The following ZNF547 variants were observed in gnomAD, a reference collection of about 807,000 sequenced individuals.
The protein encoded by ZNF547 is zinc finger protein 547.
ZNF547 carries 4 observed loss-of-function variants against 7.7 expected under a neutral mutation model. That is an observed-to-expected ratio of 0.52 (90% CI 0.26 to 1.20). The LOEUF is 1.20. Ranked by LOEUF, ZNF547 falls within the 50% of genes most tolerant of loss-of-function variation. The pLI, the probability that ZNF547 is intolerant of heterozygous loss-of-function variation, is 0.14. For synonymous variants in ZNF547, 166 were observed against 166.2 expected, an observed-to-expected ratio of 1.00 and a Z score of 0.01; for missense variants, 449 against 485.8, an observed-to-expected ratio of 0.92 and a Z score of 0.71.
In ZNF547 at chr19:57,369,899, C is replaced by CTTTTTT. The variant is rs61547238; in HGVS notation, c.24+1339_24+1344dup. Among the ~76,000 whole-genome samples the CTTTTTT allele has an allele frequency of 3.0e-3, 155 of 51,666 alleles. 48 individuals carry two copies. The highest frequency in any genetic ancestry group is 0.011 in the African/African-American group (142 of 12,784). 33.9% of individuals were successfully genotyped at this position (51,666 alleles called of 152,430 possible). A position where few individuals can be genotyped will look rare whatever the true frequency, so the allele number is the denominator to read the frequency against. On this transcript the variant is annotated intron_variant, in intron 2 of 3. Transcript: ENST00000282282. ...AAAGAAGTTTAATTGACTCACAGTT[C>CTTTTTT]TTTTTTTTTTTTTTTTTTTTTTTTG...
chr19:57,371,503 A>G (rs766536073), intron 2 of ZNF547: 5 of 346,850 alleles, frequency 1.4e-5, no homozygotes, highest in Non-Finnish European at 2.6e-5. Context: ...TAGTTTTAGT[A>G]ATTCCAGGAC....
At chr19:57,370,431 G>A (rs531011626) in intron 2 of ZNF547, among the ~76,000 whole-genome samples, 13 of 152,312 alleles carry the variant, frequency 8.5e-5, no homozygotes, top group East Asian at 1.9e-4. Context: ...GATGCTGAGC[G>A]TATTTGCCGT....
intron 1 of ZNF547, among the ~76,000 whole-genome samples, chr19:57,367,427 A>G (rs1041023168): frequency 1.8e-4 from 22 of 120,008 alleles, no homozygotes; most frequent in Admixed American, 3.9e-4. Context: ...TTTGTTCAAG[A>G]AAAAAAAAAA....
intron 1 of ZNF547, chr19:57,365,483 C>A: frequency 9.1e-6 from 4 of 441,902 alleles, no homozygotes; most frequent in Non-Finnish European, 1.6e-5. Context: ...ATAAAGAACT[C>A]ATTATCAATA....
At chr19:57,364,473 T>G in intron 1 of ZNF547, 1 of 329,008 alleles carries the variant, frequency 3.0e-6, no homozygotes, top group Non-Finnish European at 5.8e-6. Context: ...CCGGGCGTGG[T>G]GGCTCACGCC....
At chr19:57,375,324 T>C (rs1192160824) in intron 3 of ZNF547, among the ~76,000 whole-genome samples, 1 of 151,984 alleles carries the variant, frequency 6.6e-6, no homozygotes, top group Non-Finnish European at 1.5e-5. Context: ...CACTCCAGCC[T>C]GGGTGACAGA....
chr19:57,376,472 A>G (rs1475640823), intron 3 of ZNF547, among the ~76,000 whole-genome samples: 1 of 152,192 alleles, frequency 6.6e-6, no homozygotes, highest in African/African-American at 2.4e-5. Flanking sequence ...TTATTGCCAA[A>G]CCAACTCAAA....
intron 3 of ZNF547, among the ~76,000 whole-genome samples, chr19:57,372,323 A>G (rs1340654534): frequency 4.6e-5 from 7 of 152,178 alleles, no homozygotes; most frequent in Non-Finnish European, 1.0e-4. Flanking sequence ...GGATGTAGAA[A>G]TCTTCTGTGA....
chr19:57,374,713 T>C (rs557789610), intron 3 of ZNF547, among the ~76,000 whole-genome samples: 3 of 152,216 alleles, frequency 2.0e-5, no homozygotes, highest in Admixed American at 6.5e-5. Flanking sequence ...TCCACAGATA[T>C]GTAGGGCAGG....
chr19:57,363,988 G>A (rs1486448969), intron 1 of ZNF547: 1 of 152,318 alleles, frequency 6.6e-6, no homozygotes, highest in South Asian at 2.1e-4. Flanking sequence ...TGGAATGGCA[G>A]CCTGAGCAGC....
chr19:57,366,993 A>T (rs2088474875), intron 1 of ZNF547, among the ~76,000 whole-genome samples: 1 of 152,182 alleles, frequency 6.6e-6, no homozygotes, highest in African/African-American at 2.4e-5. Flanking sequence ...ATGTTTGTAA[A>T]ATAGGAGGCT....
At chr19:57,376,045 C>T (rs1488937195) in intron 3 of ZNF547, among the ~76,000 whole-genome samples, 1 of 152,172 alleles carries the variant, frequency 6.6e-6, no homozygotes, top group Non-Finnish European at 1.5e-5. Flanking sequence ...TGCCTGTAAT[C>T]CCAGCTACTC....
chr19:57,369,922 T>TTTTTTTTTTC (rs1479598262), intron 2 of ZNF547, among the ~76,000 whole-genome samples: 1 of 143,378 alleles, frequency 7.0e-6, no homozygotes, highest in Admixed American at 7.0e-5. Context: ...TTTTTTTTTT[T>TTTTTTTTTTC]TGAGATGTGG....
At chr19:57,368,838 G>A (rs762247417) in intron 2 of ZNF547, among the ~76,000 whole-genome samples, 14 of 152,184 alleles carry the variant, frequency 9.2e-5, no homozygotes, top group Non-Finnish European at 2.1e-4. Flanking sequence ...GACAGTTGAC[G>A]TGGTAACATC....
chr19:57,369,996 G>T (rs974916494), intron 2 of ZNF547, among the ~76,000 whole-genome samples: 1 of 142,962 alleles, frequency 7.0e-6, no homozygotes, highest in Non-Finnish European at 1.5e-5. Context: ...AGGTTCAAGC[G>T]ATTCTTCTGC....
chr19:57,372,279 C>G (rs1170907928), intron 3 of ZNF547, among the ~76,000 whole-genome samples: 13 of 152,300 alleles, frequency 8.5e-5, no homozygotes, highest in Admixed American at 7.8e-4. Context: ...CTGACCTGAT[C>G]ACTAATTTGG....
Position 57,377,949 on chromosome 19 carries a change from G to A in ZNF547, c.973G>A (p.Glu325Lys). ...AGTTCACACTGGAGAAAGGCCTTATGAGTGCAATGAATGTGGGAAATTCTT... is the reference window on the plus strand; with the variant it reads ...AGTTCACACTGGAGAAAGGCCTTATAAGTGCAATGAATGTGGGAAATTCTT... Reference protein sequence around the residue: ...QRVHTGERPYECNECGKFFSL... With the variant: ...QRVHTGERPYKCNECGKFFSL... The change falls in exon 4 of 4, where the codon GAG becomes AAG. Residue 325 changes from glutamate (E) to lysine (K), a missense_variant. Transcript: ENST00000282282. The A allele has an allele frequency of 6.2e-7, 1 of 1,614,180 alleles. No homozygotes were observed. The highest frequency in any genetic ancestry group is 1.1e-5 in the South Asian group (1 of 91,082).
intron 2 of ZNF547, among the ~76,000 whole-genome samples, chr19:57,371,340 C>T (rs2088503102): frequency 6.6e-6 from 1 of 152,174 alleles, no homozygotes; most frequent in African/African-American, 2.4e-5. Flanking sequence ...CTTACGTTTC[C>T]CTAAGGAGGT....
chr19:57,367,773 A>G (rs1202773096), intron 1 of ZNF547, among the ~76,000 whole-genome samples: 1 of 152,200 alleles, frequency 6.6e-6, no homozygotes, highest in African/African-American at 2.4e-5. Context: ...GAAAAAAGTT[A>G]TCCAGGCTAG....
Sources: allele counts gnomAD v4.1 joint callset (sites outside exome capture counted in the v4.1 genomes callset), GRCh38; gene constraint gnomAD v4.1.1; transcripts MANE v1.5; gene names NCBI Gene and HGNC (gene_info 2026-07-23, HGNC 2026-07-21).